Variants in CDH23 observed in about 807,000 individuals in gnomAD.
The protein encoded by CDH23 is cadherin related 23, also known as cadherin-23.
CDH23 carries 189 observed loss-of-function variants against 317.1 expected under a neutral mutation model. The ratio of observed to expected loss-of-function variants is 0.60; its 90% CI spans 0.53 to 0.67. The LOEUF (loss-of-function observed/expected upper bound fraction) is 0.67, where lower values mean the gene tolerates loss of function less well. Among genes scored for constraint, CDH23 ranks in the 30% least tolerant of loss-of-function variants. CDH23 has a pLI of 0.00. For missense variants in CDH23, 4,401 were observed against 4,592.4 expected (o/e 0.96, Z 1.20); for synonymous variants, 1,839 against 1,876.8 (o/e 0.98, Z 0.52).
chr10:71,406,359 G>A (rs920898579), intron 1 of CDH23, among the ~76,000 whole-genome samples: 1 of 152,176 alleles, frequency 6.6e-6, no homozygotes, highest in Non-Finnish European at 1.5e-5. Flanking sequence ...GAGTATCATG[G>A]GCACTTAGCA....
chr10:71,398,428 A>AGTGTGTGTGTGTGTGTGT (rs143519061), intron 1 of CDH23, among the ~76,000 whole-genome samples: 6 of 120,166 alleles, frequency 5.0e-5, no homozygotes, highest in South Asian at 3.0e-4. Flanking sequence ...GAGACACAGG[A>AGTGTGTGTGTGTGTGTGT]GTGTGTGTGT....
intron 11 of CDH23, among the ~76,000 whole-genome samples, chr10:71,618,203 G>A (rs1471061914): frequency 2.0e-5 from 3 of 152,022 alleles, no homozygotes; most frequent in Non-Finnish European, 4.4e-5. Context: ...AGGGGATCCC[G>A]GGCCATAAGA....
intron 20 of CDH23, among the ~76,000 whole-genome samples, chr10:71,692,532 G>T (rs1044590343): frequency 2.0e-5 from 3 of 152,106 alleles, no homozygotes; most frequent in Admixed American, 2.0e-4. Context: ...TTTCTTCCTC[G>T]CCCTGCCAAT....
intron 3 of CDH23, among the ~76,000 whole-genome samples, chr10:71,506,773 G>A (rs778399725): frequency 2.6e-5 from 4 of 152,054 alleles, no homozygotes; most frequent in East Asian, 1.9e-4. Flanking sequence ...ATATTAAATC[G>A]GCACCTTTAA....
chr10:71,432,618 A>G (rs1424274751), intron 1 of CDH23, among the ~76,000 whole-genome samples: 2 of 152,068 alleles, frequency 1.3e-5, no homozygotes, highest in East Asian at 1.9e-4. Context: ...AACCCTCAGT[A>G]TGGGGCCAAG....
intron 18 of CDH23, among the ~76,000 whole-genome samples, chr10:71,685,535 G>A (rs1031748920): frequency 5.3e-5 from 8 of 152,214 alleles, no homozygotes; most frequent in South Asian, 2.1e-4. Flanking sequence ...GGAGGTGGGT[G>A]GGGGTAAGAA....
chr10:71,563,201 C>G (rs1275282611), intron 6 of CDH23, among the ~76,000 whole-genome samples: 2 of 152,162 alleles, frequency 1.3e-5, no homozygotes, highest in Non-Finnish European at 2.9e-5. Flanking sequence ...CAAGGCACAT[C>G]CCCTCTCTGG....
chr10:71,438,186 C>CA (rs1291281616), intron 1 of CDH23, among the ~76,000 whole-genome samples: 2 of 150,708 alleles, frequency 1.3e-5, no homozygotes, highest in African/African-American at 4.9e-5. Context: ...ACTCAAAATA[C>CA]AAAAAAATGA....
chr10:71,517,394 T>C (rs1453446519), intron 6 of CDH23, among the ~76,000 whole-genome samples: 3 of 152,172 alleles, frequency 2.0e-5, no homozygotes, highest in Non-Finnish European at 4.4e-5. Flanking sequence ...CCTGGAGTGG[T>C]GGCCAGACAG....
intron 41 of CDH23, among the ~76,000 whole-genome samples, chr10:71,780,997 C>T (rs1022937906): frequency 1.3e-5 from 2 of 152,060 alleles, no homozygotes; most frequent in East Asian, 1.9e-4. Context: ...TTGCCATTGA[C>T]GGATGGAGGG....
chr10:71,729,420 G>A (rs1839278769), intron 30 of CDH23, among the ~76,000 whole-genome samples: 1 of 152,200 alleles, frequency 6.6e-6, no homozygotes, highest in Non-Finnish European at 1.5e-5. Flanking sequence ...CCCCCAGGGA[G>A]CCCTAAAGCG....
rs2132358485 is a variant in CDH23, at chr10:71,566,825, C to T, written c.513C>T (p.Phe171=). Reference sequence around the variant, plus strand: ...CAGGGGGCAGCGTCCTCTACTCCTTCCAGCCCCCCTCCCAATTCTTCGCCA... The same window carrying T: ...CAGGGGGCAGCGTCCTCTACTCCTTTCAGCCCCCCTCCCAATTCTTCGCCA... ...LGAGGSVLYS[F]QPPSQFFAID... Residue 171 remains phenylalanine (F), a synonymous_variant, in exon 7 of 70, where the codon TTC becomes TTT. Coordinates refer to ENST00000224721, the MANE Select transcript of CDH23 (RefSeq NM_022124.6). The T allele has an allele frequency of 6.2e-7, 1 of 1,614,014 alleles. No individual in the cohort carries two copies. Among genetic ancestry groups the T allele is most frequent in the Non-Finnish European group, 8.5e-7 (1 of 1,179,882 alleles).
intron 6 of CDH23, among the ~76,000 whole-genome samples, chr10:71,517,097 C>T (rs542099710): frequency 6.6e-6 from 1 of 152,332 alleles, no homozygotes; most frequent in East Asian, 1.9e-4. Context: ...ATGCAGACAG[C>T]CATGCGGCTC....
At position 71,751,908 on chromosome 10, in the gene CDH23, G is replaced by C. The variant is rs766939172; in HGVS notation, c.4845+9987G>C. On this transcript the variant is annotated intron_variant, in intron 38 of 69. Transcript: ENST00000224721. The surrounding 1 kb of genome is among the most constrained non-coding windows in gnomAD (Gnocchi z 4.9). ...AGGTCATCTGTGCTGTCCGGAGCGT[G>C]AACTCTGCCCTCCCTGCCCCCAGTT... 2.0e-6 allele frequency: 3 copies of C among 1,525,436 alleles called. No individual in the cohort carries two copies. Among genetic ancestry groups the C allele is most frequent in the Non-Finnish European group, 2.7e-6 (3 of 1,127,782 alleles). The allele number at this position is 1,525,436 out of a possible 1,614,324, so 94.5% of individuals were successfully genotyped here.
At chr10:71,760,032 C>CATACATATAT (rs1271574520) in intron 38 of CDH23, among the ~76,000 whole-genome samples, 1 of 117,516 alleles carries the variant, frequency 8.5e-6, no homozygotes, top group Non-Finnish European at 1.9e-5. Flanking sequence ...TATATACACA[C>CATACATATAT]ACACACATAT....
chr10:71,419,484 C>CT (rs1187657644), intron 1 of CDH23, among the ~76,000 whole-genome samples: 1 of 152,122 alleles, frequency 6.6e-6, no homozygotes, highest in East Asian at 1.9e-4. Flanking sequence ...GAAAAGGGCA[C>CT]TGGAGGGACA....
chr10:71,649,759 G>GA (rs1315213213), intron 14 of CDH23, among the ~76,000 whole-genome samples: 2 of 152,164 alleles, frequency 1.3e-5, no homozygotes, highest in Non-Finnish European at 2.9e-5. Flanking sequence ...AAATTTGGTT[G>GA]AAAAAAATGT....
intron 48 of CDH23, chr10:71,796,735 T>C (rs1349083697): frequency 4.9e-6 from 1 of 205,002 alleles, no homozygotes; most frequent in East Asian, 1.2e-4. Flanking sequence ...TGCCACGCAC[T>C]GTTCTAAGTA....
In CDH23 at chr10:71,702,586, AGTGTTT is replaced by A; in HGVS notation, c.2629_2634del (p.Phe877_Val878del). ...CTCTGAAAGCCACCAGCAGTGCCAC[AGTGTTT>A]GTGAACCTCTTGGATCTCAATGACA... On this transcript the variant is annotated inframe_deletion, in exon 24 of 70. Coordinates refer to ENST00000224721, the MANE Select transcript of CDH23 (RefSeq NM_022124.6). 6.2e-7 allele frequency: 1 copy of A among 1,613,980 alleles called. No individual in the cohort carries two copies. The highest frequency in any genetic ancestry group is 8.5e-7 in the Non-Finnish European group (1 of 1,179,894).
Sources: gnomAD v4.1 joint callset for allele counts (sites outside exome capture counted in the v4.1 genomes callset) on GRCh38, gnomAD v4.1.1 for gene constraint, Gnocchi (gnomAD v3.1) non-coding constraint, MANE v1.5 for transcripts, NCBI Gene and HGNC (gene_info 2026-07-23, HGNC 2026-07-21) for gene names.